The following SLC25A13 variants were observed in gnomAD, a reference collection of about 807,000 sequenced individuals.
SLC25A13 encodes the protein solute carrier family 25 member 13.
Under a neutral mutation model 85.5 loss-of-function variants are expected in SLC25A13, and 70 were observed. That is an observed-to-expected ratio of 0.82 (90% confidence interval 0.68 to 1.00). The LOEUF (loss-of-function observed/expected upper bound fraction) is 1.00, where lower values mean the gene tolerates loss of function less well. SLC25A13 is among the 50% of genes least tolerant of loss of function. SLC25A13 has a pLI of 0.00. For missense variants in SLC25A13, 765 were observed against 819.8 expected, an observed-to-expected ratio of 0.93 and a Z score of 0.82; for synonymous variants, 259 against 288.7, an observed-to-expected ratio of 0.90 and a Z score of 1.04.
chr7:96,185,857 G>A (rs543171816), intron 9 of SLC25A13, among the ~76,000 whole-genome samples: 51 of 152,176 alleles, frequency 3.4e-4, no homozygotes, highest in South Asian at 8.3e-4. Context: ...CCGAGATCGC[G>A]CCACTGCACT....
chr7:96,172,488 G>T (rs1015699371), intron 11 of SLC25A13, among the ~76,000 whole-genome samples: 6 of 151,844 alleles, frequency 4.0e-5, no homozygotes, highest in Non-Finnish European at 4.4e-5. Flanking sequence ...AACCCAGGAG[G>T]TGGAGGTTGC....
intron 14 of SLC25A13, among the ~76,000 whole-genome samples, chr7:96,133,432 G>A (rs771378656): frequency 6.6e-6 from 1 of 152,084 alleles, no homozygotes; most frequent in African/African-American, 2.4e-5. Flanking sequence ...TGCATTTACC[G>A]AGGGCTATGC....
rs1404346250 is a variant in SLC25A13, at chr7:96,320,802, A to C, written c.15+1140T>G. 4.6e-5 allele frequency among the ~76,000 whole-genome samples: 7 copies of C among 152,254 alleles called. No individual in the cohort carries two copies. The East Asian group carries it at 1.3e-3, about 29-fold the overall frequency. ...GGGAGCCTGGAGAGACTTAAGTCAT[A>C]GAACAGCATTTAAATATATTTGTCT... is the stretch of plus-strand genomic sequence containing the variant. On this transcript the variant is annotated intron_variant, in intron 1 of 17. Transcript: ENST00000265631.
intron 3 of SLC25A13, among the ~76,000 whole-genome samples, chr7:96,254,618 A>C (rs2116876175): frequency 6.6e-6 from 1 of 152,322 alleles, no homozygotes; most frequent in Non-Finnish European, 1.5e-5. Context: ...TTCATGAGCA[A>C]ACCCTAGTAC....
chr7:96,255,472 G>C (rs902706035), intron 3 of SLC25A13, among the ~76,000 whole-genome samples: 5 of 152,130 alleles, frequency 3.3e-5, no homozygotes, highest in Non-Finnish European at 7.4e-5. Context: ...GATCATTTGA[G>C]CCCAGAAGTT....
At position 96,178,844 on chromosome 7, in the gene SLC25A13, C is replaced by T. The variant is rs573659878; in HGVS notation, c.1177+5433G>A. Among the ~76,000 whole-genome samples the T allele has an allele frequency of 1.1e-4, 16 of 152,358 alleles. No individual in the cohort carries two copies. In the East Asian group the frequency reaches 2.9e-3, roughly 28 times the overall value. On this transcript the variant is annotated intron_variant, in intron 11 of 17. Coordinates refer to ENST00000265631, the MANE Select transcript of SLC25A13 (RefSeq NM_014251.3). ...TGCCCCTAGGCATGAGGCATTTCCA[C>T]CTTCCCAACTACACTATCGCCTTTC...
Position 96,200,649 on chromosome 7 carries a change from T to C in SLC25A13, c.469-7466A>G, listed in dbSNP as rs576113367. 2.0e-5 allele frequency among the ~76,000 whole-genome samples: 3 copies of C among 152,192 alleles called. No homozygotes were observed. In the South Asian group the frequency reaches 6.2e-4, roughly 32 times the overall value. On this transcript the variant is annotated intron_variant, in intron 5 of 17. Coordinates refer to ENST00000265631, the MANE Select transcript of SLC25A13 (RefSeq NM_014251.3). ...ATTAAAAGGGTCTTTGGAAGCAGTGTCACATGTGGCTCAGCATGCACTGCA... is the reference window on the plus strand; with the variant it reads ...ATTAAAAGGGTCTTTGGAAGCAGTGCCACATGTGGCTCAGCATGCACTGCA...
At chr7:96,123,258 A>G (rs1243303689) in intron 15 of SLC25A13, among the ~76,000 whole-genome samples, 3 of 152,218 alleles carry the variant, frequency 2.0e-5, no homozygotes, top group Non-Finnish European at 4.4e-5. Flanking sequence ...ACTTTGGGCC[A>G]GGAATTTATC....
intron 14 of SLC25A13, among the ~76,000 whole-genome samples, chr7:96,140,577 G>A (rs1231509227): frequency 6.6e-6 from 1 of 150,828 alleles, no homozygotes; most frequent in Non-Finnish European, 1.5e-5. Context: ...CTAATTTTTT[G>A]TACTTTTAGT....
At chr7:96,201,909 A>G (rs562839380) in intron 5 of SLC25A13, among the ~76,000 whole-genome samples, 29 of 152,278 alleles carry the variant, frequency 1.9e-4, no homozygotes, top group African/African-American at 5.8e-4. Flanking sequence ...AGAAAAAGCC[A>G]GGACCACATC....
chr7:96,143,174 A>G (rs1792638475), intron 14 of SLC25A13, among the ~76,000 whole-genome samples: 1 of 152,212 alleles, frequency 6.6e-6, no homozygotes, highest in Non-Finnish European at 1.5e-5. Flanking sequence ...TTCCTAACGA[A>G]GCGTCTTTTT....
At chr7:96,152,089 C>G (rs184603083) in intron 13 of SLC25A13, among the ~76,000 whole-genome samples, 1 of 152,264 alleles carries the variant, frequency 6.6e-6, no homozygotes. Context: ...TGGATGCCAG[C>G]GGCACACTTA....
At chr7:96,144,206 G>A (rs973425523) in intron 14 of SLC25A13, among the ~76,000 whole-genome samples, 3 of 152,148 alleles carry the variant, frequency 2.0e-5, no homozygotes, top group African/African-American at 7.2e-5. Flanking sequence ...AGGTTCACAT[G>A]AAACAAAGCC....
chr7:96,145,975 T>A (rs1792769185), intron 14 of SLC25A13, among the ~76,000 whole-genome samples: 1 of 152,204 alleles, frequency 6.6e-6, no homozygotes. Context: ...TACATTATGT[T>A]TGATAAAGCC....
rs754775788 is a variant in SLC25A13 at position 96,322,033 on chromosome 7, T to G, written c.-77A>C. The G allele has an allele frequency of 6.6e-7, 1 of 1,517,462 alleles. No individual in the cohort carries two copies. Among genetic ancestry groups the G allele is most frequent in the African/African-American group, 1.4e-5 (1 of 69,378 alleles). 94.0% of individuals were successfully genotyped at this position (1,517,462 alleles called of 1,614,324 possible). A position where few individuals can be genotyped will look rare whatever the true frequency, so the allele number is the denominator to read the frequency against. Reference sequence around the variant, plus strand: ...GTTTGGGACCCGGGCGGCTCACTTCTAGTCCCGGCGGCGGCGGCGGTGGGG... The same window carrying G: ...GTTTGGGACCCGGGCGGCTCACTTCGAGTCCCGGCGGCGGCGGCGGTGGGG... On this transcript the variant is annotated 5_prime_UTR_variant, in exon 1 of 18. Coordinates refer to ENST00000265631, the MANE Select transcript of SLC25A13 (RefSeq NM_014251.3).
At chr7:96,283,684 G>GA in intron 2 of SLC25A13, 1 of 291,664 alleles carries the variant, frequency 3.4e-6, no homozygotes, top group South Asian at 3.6e-5. Context: ...AATGCATGAA[G>GA]AAAAATGATC....
intron 15 of SLC25A13, among the ~76,000 whole-genome samples, chr7:96,129,374 C>T (rs2116415215): frequency 6.6e-6 from 1 of 152,250 alleles, no homozygotes; most frequent in East Asian, 1.9e-4. Context: ...GGGATGCCAA[C>T]TACTTAAAAC....
At chr7:96,186,228 G>A (rs780827154) in intron 9 of SLC25A13, among the ~76,000 whole-genome samples, 6 of 152,062 alleles carry the variant, frequency 3.9e-5, no homozygotes, top group Admixed American at 1.3e-4. Context: ...TCAGGAGTTC[G>A]AGACCAGCCT....
chr7:96,303,931 ATC>A (rs771107419), intron 1 of SLC25A13, among the ~76,000 whole-genome samples: 2 of 151,672 alleles, frequency 1.3e-5, no homozygotes, highest in Non-Finnish European at 2.9e-5. Flanking sequence ...CCTGTAATAA[ATC>A]TCTCTCTGCT....
Sources: allele counts gnomAD v4.1 joint callset (sites outside exome capture counted in the v4.1 genomes callset), GRCh38; gene constraint gnomAD v4.1.1; transcripts MANE v1.5; gene names NCBI Gene and HGNC (gene_info 2026-07-23, HGNC 2026-07-21).